SEZ6: variants seen among roughly 807,000 people sequenced by gnomAD.
The protein encoded by SEZ6 is seizure protein 6 homolog.
In SEZ6, 53 loss-of-function variants were observed where a neutral mutation model predicts 101.0. The ratio of observed to expected loss-of-function variants is 0.52; its 90% CI spans 0.42 to 0.66. The LOEUF is 0.66. Among genes scored for constraint, SEZ6 ranks in the 30% least tolerant of loss-of-function variants. The pLI, the probability that SEZ6 is intolerant of heterozygous loss-of-function variation, is 0.00. For synonymous variants in SEZ6, 488 were observed against 512.2 expected (o/e 0.95, Z 0.64); for missense variants, 1,102 against 1,289.4 (o/e 0.85, Z 2.23).
At chr17:28,981,166 G>A (rs1445671510) in intron 2 of SEZ6, among the ~76,000 whole-genome samples, 1 of 152,222 alleles carries the variant, frequency 6.6e-6, no homozygotes, top group Non-Finnish European at 1.5e-5. Context: ...AAAGTGCTGG[G>A]ATTACAGGCA....
chr17:28,957,866 A>T, intron 11 of SEZ6, 81 bp downstream of exon 11: 1 of 1,468,878 alleles, frequency 6.8e-7, no homozygotes, highest in African/African-American at 1.4e-5. Flanking sequence ...AGCTAATAAC[A>T]GCTACAGTCT....
chr17:28,982,255 C>A (rs886431236), intron 1 of SEZ6, among the ~76,000 whole-genome samples: 1 of 152,184 alleles, frequency 6.6e-6, no homozygotes, highest in Non-Finnish European at 1.5e-5. Context: ...TCTCCTCCAG[C>A]ACCAGAGGCA....
intron 1 of SEZ6, among the ~76,000 whole-genome samples, chr17:28,986,103 C>T (rs2041379081): frequency 6.6e-6 from 1 of 152,258 alleles, no homozygotes; most frequent in Non-Finnish European, 1.5e-5. Flanking sequence ...CTGGGCCCTC[C>T]CCCCGCATTA....
chr17:28,971,649 A>G (rs943359930), intron 3 of SEZ6, among the ~76,000 whole-genome samples: 1 of 152,156 alleles, frequency 6.6e-6, no homozygotes, highest in East Asian at 1.9e-4. Flanking sequence ...CATACTCTGC[A>G]TTTTAACAAG....
chr17:28,975,157 C>T lies in SEZ6; in HGVS notation c.858+4523G>A, dbSNP rs115685525. The stretch of plus-strand genomic sequence containing the variant: ...TGGCATTTGCAGCAGAAATGATAGC[C>T]GGCTATGAACTTACTTTGCCCTCAG... On this transcript the variant is annotated intron_variant, in intron 3 of 16. Coordinates refer to ENST00000317338, the MANE Select transcript of SEZ6 (RefSeq NM_178860.5). Among the ~76,000 whole-genome samples, 794 of 152,304 alleles carry T rather than the reference C, an allele frequency of 5.2e-3. 13 individuals carry two copies. The highest frequency in any genetic ancestry group is 0.018 in the African/African-American group (753 of 41,558).
In SEZ6 at chr17:28,956,431, G is replaced by A. The variant is rs2040879933; in HGVS notation, c.2768C>T (p.Ala923Val). ...GAAGATGGCAGCTGCAATGTGGGCA[G>A]CATCCAGGGTGCTGGAGGCAGCAGG... Reference protein sequence around the residue: ...KAPAASSTLDAAHIAAAIFLP... With the variant: ...KAPAASSTLDVAHIAAAIFLP... The change falls in exon 15 of 17, where the codon GCT becomes GTT. Residue 923 changes from alanine (A) to valine (V), a missense_variant. Physicochemically the swap from Ala to Val is moderately conservative, Grantham distance 64. Coordinates refer to ENST00000317338, the MANE Select transcript of SEZ6 (RefSeq NM_178860.5). The A allele has an allele frequency of 1.3e-6, 2 of 1,562,820 alleles. No homozygotes were observed. The highest frequency in any genetic ancestry group is 2.7e-5 in the African/African-American group (2 of 73,642).
chr17:28,970,009 G>A, intron 3 of SEZ6, 57 bp from the exon 4 acceptor site: 1 of 1,460,396 alleles, frequency 6.8e-7, no homozygotes, highest in East Asian at 2.7e-5. Context: ...CTGCTGCCTG[G>A]ATCCTGCCGC....
At chr17:28,982,105 G>T (rs1022920760) in intron 1 of SEZ6, 66 bp from the exon 2 acceptor site, 59 of 1,488,400 alleles carry the variant, frequency 4.0e-5, no homozygotes, top group Non-Finnish European at 4.9e-5. Context: ...CGCCCAACTC[G>T]AGTAGTGGGG....
chr17:28,970,394 T>C (rs1354142526), intron 3 of SEZ6, among the ~76,000 whole-genome samples: 1 of 152,180 alleles, frequency 6.6e-6, no homozygotes, highest in African/African-American at 2.4e-5. Flanking sequence ...CAGCTTCCCC[T>C]GGACATCCCT....
intron 1 of SEZ6, among the ~76,000 whole-genome samples, chr17:28,999,629 C>A (rs979090926): frequency 1.3e-5 from 2 of 152,184 alleles, no homozygotes; most frequent in African/African-American, 4.8e-5. Flanking sequence ...CCATCCTCCC[C>A]CCACAGGTCT....
At chr17:28,976,556 T>C (rs932185736) in intron 3 of SEZ6, among the ~76,000 whole-genome samples, 5 of 152,068 alleles carry the variant, frequency 3.3e-5, no homozygotes, top group African/African-American at 9.7e-5. Flanking sequence ...CCACAGGCAG[T>C]CCCTTCTCCC....
chr17:28,960,759 G>A, intron 6 of SEZ6, 46 bp downstream of exon 6: 1 of 1,612,596 alleles, frequency 6.2e-7, no homozygotes, highest in South Asian at 1.1e-5. Context: ...CTCCAGCAGG[G>A]TATTACCAGG....
chr17:28,958,929 T>C (rs1416006211), intron 10 of SEZ6, 96 bp downstream of exon 10: 4 of 1,347,198 alleles, frequency 3.0e-6, no homozygotes, highest in Non-Finnish European at 3.0e-6. Context: ...CAGCTTACTC[T>C]TGTCTGAGAC....
At chr17:28,977,902 C>T (rs1036427975) in intron 3 of SEZ6, among the ~76,000 whole-genome samples, 3 of 152,100 alleles carry the variant, frequency 2.0e-5, no homozygotes, top group Non-Finnish European at 4.4e-5. Flanking sequence ...TGGCTTGAGG[C>T]GGGGTGGCTG....
chr17:28,957,725 A>G, intron 11 of SEZ6, 186 bp from the exon 12 acceptor site: 3 of 864,142 alleles, frequency 3.5e-6, no homozygotes, highest in Non-Finnish European at 5.2e-6. Context: ...AGGTTCGATA[A>G]AAACTGATTG....
chr17:28,962,033 A>T (rs1238787756), intron 5 of SEZ6, among the ~76,000 whole-genome samples: 1 of 152,160 alleles, frequency 6.6e-6, no homozygotes. Flanking sequence ...AAAATTGCTT[A>T]GTGGCTCCCC....
intron 1 of SEZ6, among the ~76,000 whole-genome samples, chr17:28,996,760 C>T (rs77957573): frequency 9.3e-4 from 142 of 152,266 alleles, no homozygotes; most frequent in African/African-American, 2.6e-3. Flanking sequence ...GCTTCCTCTC[C>T]CCAGAACCTC....
Position 28,959,545 on chromosome 17 carries a change from G to T in SEZ6, c.1772-73C>A. The T allele has an allele frequency of 6.4e-7, 1 of 1,574,152 alleles. No homozygotes were observed. The highest frequency in any genetic ancestry group is 1.7e-4 in the Middle Eastern group (1 of 5,716). On this transcript the variant is annotated intron_variant, in intron 8 of 16. Coordinates refer to ENST00000317338, the MANE Select transcript of SEZ6 (RefSeq NM_178860.5). The surrounding 1 kb of genome is among the most constrained non-coding windows in gnomAD (Gnocchi z 4.4). ...TGTTGCTTACCATCTGCCCGCAGGA[G>T]TGCCCACAAATTGCTGGGACCCCCC...
At chr17:28,999,363 C>G (rs2041584389) in intron 1 of SEZ6, among the ~76,000 whole-genome samples, 1 of 152,138 alleles carries the variant, frequency 6.6e-6, no homozygotes, top group Non-Finnish European at 1.5e-5. Context: ...TCAGTCCCTG[C>G]TCATCTCCTG....
Sources: allele counts gnomAD v4.1 joint callset (sites outside exome capture counted in the v4.1 genomes callset), GRCh38; gene constraint gnomAD v4.1.1; non-coding constraint Gnocchi (gnomAD v3.1); transcripts MANE v1.5; gene names NCBI Gene and HGNC (gene_info 2026-07-23, HGNC 2026-07-21).